ZNF541: variants seen among roughly 807,000 people sequenced by gnomAD.
ZNF541 encodes the protein zinc finger protein 541.
Under a neutral mutation model 123.5 loss-of-function variants are expected in ZNF541, and 23 were observed. The ratio of observed to expected loss-of-function variants is 0.19; its 90% CI spans 0.13 to 0.26. The LOEUF (loss-of-function observed/expected upper bound fraction) is 0.26. Ranked by LOEUF, ZNF541 falls within the 10% of genes least tolerant of loss-of-function variation. The pLI is 1.00. For synonymous variants in ZNF541, 751 were observed against 754.5 expected, an observed-to-expected ratio of 1.00 and a Z score of 0.08; for missense variants, 1,612 against 1,789.9, an observed-to-expected ratio of 0.90 and a Z score of 1.79.
Position 47,544,557 on chromosome 19 carries a change from T to G in ZNF541, c.1972A>C (p.Thr658Pro). The G allele has an allele frequency of 6.4e-7, 1 of 1,551,570 alleles. No homozygotes were observed. The highest frequency in any genetic ancestry group is 8.7e-7 in the Non-Finnish European group (1 of 1,146,976). Residue 658 changes from threonine (T) to proline (P), a missense_variant, in exon 5 of 17, where the codon ACG (threonine) becomes CCG (proline). By Grantham distance (38) the Thr-to-Pro change is conservative. Coordinates refer to ENST00000391901, the MANE Select transcript of ZNF541 (RefSeq NM_001277075.3). ...TCCAGAGACGGTGCTGCAAGGGGCG[T>G]TGGAACCGCGGCCACTTTCAGTCCC... ...KGGLKVAAVP[T>P]PLAAPSLDPS...
At position 47,544,552 on chromosome 19, in the gene ZNF541, G is replaced by A. The variant is rs1231522161; in HGVS notation, c.1977C>T (p.Pro659=). The change falls in exon 5 of 17, where the codon CCC becomes CCT. Residue 659 remains proline (P), a synonymous_variant. Transcript: ENST00000391901. ...AAGGGTCCAGAGACGGTGCTGCAAG[G>A]GGCGTTGGAACCGCGGCCACTTTCA... The part of the protein sequence containing the change: ...GGLKVAAVPT[P]LAAPSLDPSR... The A allele has an allele frequency of 4.5e-6, 7 of 1,551,392 alleles. No homozygotes were observed. Among genetic ancestry groups the A allele is most frequent in the Non-Finnish European group, 6.1e-6 (7 of 1,146,960 alleles).
At position 47,529,492 on chromosome 19, in the gene ZNF541, G is replaced by A. The variant is rs1409774739; in HGVS notation, c.3481+85C>T. ...AAAGGTCCCGAGGAGAACTCCAGGA[G>A]GCAGGGGCAGAGCTTGCAACAGAGC... On this transcript the variant is annotated intron_variant, in intron 13 of 16. Transcript: ENST00000391901. 6 of 1,382,440 alleles carry A rather than the reference G, an allele frequency of 4.3e-6. No homozygotes were observed. The African/African-American group carries it at 7.2e-5, about 17-fold the overall frequency. 85.6% of individuals were successfully genotyped at this position (1,382,440 alleles called of 1,614,324 possible).
At chr19:47,553,408 CTTTT>C (rs1291200798) in intron 3 of ZNF541, among the ~76,000 whole-genome samples, 2 of 116,866 alleles carry the variant, frequency 1.7e-5, no homozygotes. Context: ...CAGGCTAATT[CTTTT>C]TTTTTTTTTT....
In ZNF541 at chr19:47,571,660, G is replaced by T. The variant is rs973807834; in HGVS notation, c.-99+236C>A. Among the ~76,000 whole-genome samples, 7 of 151,942 alleles carry T rather than the reference G, an allele frequency of 4.6e-5. No homozygotes were observed. The East Asian group carries it at 1.2e-3, about 25-fold the overall frequency. On this transcript the variant is annotated intron_variant, in intron 2 of 16. Transcript: ENST00000391901. ...CACCCTGAGCTAGGGAAGGAAAAACGTTTTTTGCAATAAACATCAATAAAG... is the reference window on the plus strand; with the variant it reads ...CACCCTGAGCTAGGGAAGGAAAAACTTTTTTTGCAATAAACATCAATAAAG...
chr19:47,549,359 C>T lies in ZNF541; in HGVS notation c.434G>A (p.Cys145Tyr), dbSNP rs910369680. ...PQNPLLDCSLCGKVFSSASSL... is the reference protein window; with the variant it reads ...PQNPLLDCSLYGKVFSSASSL... ...ACTGGCGCTGCTGAACACCTTCCCG[C>T]ACAGGCTGCAGTCCAGAAGTGGGTT... Residue 145 changes from cysteine (C) to tyrosine (Y), a missense_variant, in exon 4 of 17, where the codon TGC becomes TAC. Cys to Tyr is a radical substitution (Grantham distance 194, BLOSUM62 -2). Coordinates refer to ENST00000391901, the MANE Select transcript of ZNF541 (RefSeq NM_001277075.3). 1.3e-6 allele frequency: 2 copies of T among 1,551,618 alleles called. No homozygotes were observed. The highest frequency in any genetic ancestry group is 2.7e-5 in the African/African-American group (2 of 73,020).
At chr19:47,526,199 C>T (rs2030893444) in intron 14 of ZNF541, among the ~76,000 whole-genome samples, 1 of 150,952 alleles carries the variant, frequency 6.6e-6, no homozygotes, top group Non-Finnish European at 1.5e-5. Context: ...AAAACACAGC[C>T]GGCTGGGCGC....
intron 2 of ZNF541, among the ~76,000 whole-genome samples, 58 bp from the exon 3 acceptor site, chr19:47,556,012 G>A (rs1970808099): frequency 3.9e-5 from 6 of 152,206 alleles, no homozygotes; most frequent in Admixed American, 3.9e-4. Flanking sequence ...ATTGTGGGCA[G>A]AGCACGGACT....
chr19:47,563,052 T>C (rs1336940183), intron 2 of ZNF541, among the ~76,000 whole-genome samples: 1 of 152,208 alleles, frequency 6.6e-6, no homozygotes, highest in Non-Finnish European at 1.5e-5. Flanking sequence ...TCTAAGAACT[T>C]TTCATGTTGA....
intron 1 of ZNF541, among the ~76,000 whole-genome samples, chr19:47,572,713 G>A (rs556944785): frequency 2.0e-5 from 3 of 152,002 alleles, no homozygotes; most frequent in Middle Eastern, 3.4e-3. Context: ...TGGGGAGGTC[G>A]GGTAGGGCCC....
intron 12 of ZNF541, among the ~76,000 whole-genome samples, chr19:47,530,191 CAG>C (rs945846308): frequency 6.8e-6 from 1 of 147,606 alleles, no homozygotes; most frequent in African/African-American, 2.5e-5. Context: ...TTTTTTGAGA[CAG>C]AGTCTTGCTC....
intron 12 of ZNF541, among the ~76,000 whole-genome samples, 177 bp from the exon 13 acceptor site, chr19:47,529,829 A>G (rs1969481241): frequency 1.3e-5 from 2 of 152,180 alleles, no homozygotes; most frequent in South Asian, 4.1e-4. Context: ...GCGTGCATCA[A>G]CCGTGTCACC....
intron 12 of ZNF541, among the ~76,000 whole-genome samples, chr19:47,531,251 C>A (rs1969559966): frequency 1.2e-5 from 1 of 86,464 alleles, no homozygotes; most frequent in Non-Finnish European, 2.8e-5. Context: ...GGGGGGGGGT[C>A]CTTGGAGTAG....
chr19:47,539,606 G>A, intron 8 of ZNF541, 99 bp downstream of exon 8: 1 of 1,290,282 alleles, frequency 7.8e-7, no homozygotes, highest in Non-Finnish European at 1.0e-6. Flanking sequence ...CCAGCCTGGA[G>A]TCAAAGATTT....
intron 8 of ZNF541, among the ~76,000 whole-genome samples, chr19:47,538,766 C>T (rs988907126): frequency 2.0e-5 from 3 of 152,158 alleles, no homozygotes; most frequent in Non-Finnish European, 4.4e-5. Flanking sequence ...AAATGCTGCT[C>T]CACCCAAATG....
intron 3 of ZNF541, among the ~76,000 whole-genome samples, chr19:47,553,061 A>G (rs1044906305): frequency 4.6e-5 from 7 of 151,840 alleles, no homozygotes; most frequent in Non-Finnish European, 1.5e-5. Flanking sequence ...GTGAGCCAAG[A>G]TTGCACCATT....
At chr19:47,568,850 T>A (rs1239192142) in intron 2 of ZNF541, among the ~76,000 whole-genome samples, 1 of 152,026 alleles carries the variant, frequency 6.6e-6, no homozygotes, top group Non-Finnish European at 1.5e-5. Context: ...TTTTGTATTT[T>A]TAGTAGAGAC....
At chr19:47,548,458 A>G (rs533337161) in intron 4 of ZNF541, among the ~76,000 whole-genome samples, 36 of 150,328 alleles carry the variant, frequency 2.4e-4, no homozygotes, top group South Asian at 4.2e-4. Flanking sequence ...AAAAAAAAAA[A>G]AAAGAAAAAA....
rs1287266195 is a variant in ZNF541, at chr19:47,545,280, G to A, written c.1249C>T (p.Arg417Trp). Residue 417 changes from arginine to tryptophan, a missense_variant, in exon 5 of 17, where the codon CGG (arginine) becomes TGG (tryptophan). Coordinates refer to ENST00000391901, the MANE Select transcript of ZNF541 (RefSeq NM_001277075.3). This position sits in a 1 kb window ranked among gnomAD's most constrained non-coding sequence, Gnocchi z 7.5. ...CTTTTGGGACAGCCCGGCAGGTTCC[G>A]GAGCCACTGGAAGCTGTGGCTCGAT... Reference protein sequence around the residue: ...QPSSHSFQWLRNLPGCPKSKG... With the variant: ...QPSSHSFQWLWNLPGCPKSKG... 12 of 1,549,378 alleles carry A rather than the reference G, an allele frequency of 7.7e-6. No individual in the cohort carries two copies. The Admixed American group carries it at 1.6e-4, about 20-fold the overall frequency.
chr19:47,568,967 G>C (rs1971373197), intron 2 of ZNF541, among the ~76,000 whole-genome samples: 1 of 152,112 alleles, frequency 6.6e-6, no homozygotes, highest in African/African-American at 2.4e-5. Context: ...ACTGTGCCCA[G>C]CCTCCACTCC....
Sources: allele counts gnomAD v4.1 joint callset (sites outside exome capture counted in the v4.1 genomes callset), GRCh38; gene constraint gnomAD v4.1.1; non-coding constraint Gnocchi (gnomAD v3.1); transcripts MANE v1.5; gene names NCBI Gene and HGNC (gene_info 2026-07-23, HGNC 2026-07-21).